The following MDH1 variants were observed in gnomAD, a reference collection of about 807,000 sequenced individuals.
The protein encoded by MDH1 is malate dehydrogenase, cytoplasmic.
MDH1 carries 15 observed loss-of-function variants against 38.7 expected under a neutral mutation model. The observed-to-expected ratio is 0.39, with a 90% confidence interval of 0.26 to 0.60. The LOEUF (loss-of-function observed/expected upper bound fraction) is 0.60. MDH1 is among the 20% of genes least tolerant of loss of function. MDH1 has a pLI of 0.56. For missense variants in MDH1, 368 were observed against 405.2 expected (o/e 0.91, Z 0.79); for synonymous variants, 144 against 143.6 (o/e 1.00, Z -0.02).
At chr2:63,600,797 G>A (rs1282156840) in intron 5 of MDH1, among the ~76,000 whole-genome samples, 1 of 152,154 alleles carries the variant, frequency 6.6e-6, no homozygotes, top group African/African-American at 2.4e-5. Context: ...TTGTTTGAAT[G>A]GCAGGCAGTT....
In MDH1 at chr2:63,599,170, G is replaced by A. The variant is rs377153025; in HGVS notation, c.376G>A (p.Val126Ile). The A allele has an allele frequency of 3.1e-6, 5 of 1,613,138 alleles. No homozygotes were observed. The highest frequency in any genetic ancestry group is 2.7e-5 in the African/African-American group (2 of 74,832). Residue 126 changes from valine (V) to isoleucine (I), a missense_variant and splice_region_variant, in exon 5 of 9, where the codon GTT (valine) becomes ATT (isoleucine). By Grantham distance (29) the Val-to-Ile change is conservative. Coordinates refer to ENST00000233114, the MANE Select transcript of MDH1 (RefSeq NM_005917.4). Reference sequence around the variant, plus strand: ...CTTCAGTGCCTTCCATTCCTCCTAGGTTATTGTTGTGGGTAATCCAGCCAA... The same window carrying A: ...CTTCAGTGCCTTCCATTCCTCCTAGATTATTGTTGTGGGTAATCCAGCCAA... ...LDKYAKKSVK[V>I]IVVGNPANTN... is the part of the protein sequence containing the mutation.
chr2:63,600,776 C>T (rs933445779), intron 5 of MDH1, among the ~76,000 whole-genome samples: 2 of 151,956 alleles, frequency 1.3e-5, no homozygotes, highest in Admixed American at 6.6e-5. Context: ...TAGCTGAGAA[C>T]GAATAGGAGT....
intron 5 of MDH1, among the ~76,000 whole-genome samples, chr2:63,602,209 A>C (rs906312004): frequency 6.6e-6 from 1 of 152,264 alleles, no homozygotes; most frequent in Admixed American, 6.5e-5. Flanking sequence ...CAACTAGTTT[A>C]AGAGTGGGAG....
At chr2:63,598,963 T>C (rs911320440) in intron 4 of MDH1, among the ~76,000 whole-genome samples, 1 of 151,564 alleles carries the variant, frequency 6.6e-6, no homozygotes, top group Non-Finnish European at 1.5e-5. Context: ...TTTCTATAAA[T>C]CTGATATTAT....
intron 5 of MDH1, 55 bp downstream of exon 5, chr2:63,599,347 C>T: frequency 6.4e-7 from 1 of 1,550,988 alleles, no homozygotes; most frequent in Non-Finnish European, 8.7e-7. Flanking sequence ...ACATTTTTCT[C>T]TCACTTTTAA....
chr2:63,589,098 T>C (rs755565589), intron 1 of MDH1, 52 bp downstream of exon 1: 4 of 1,614,082 alleles, frequency 2.5e-6, no homozygotes, highest in Non-Finnish European at 2.5e-6. Context: ...CGCCCTTGAG[T>C]GGGGTTTCTT....
intron 8 of MDH1, among the ~76,000 whole-genome samples, chr2:63,606,634 G>A (rs574753651): frequency 2.0e-5 from 3 of 151,642 alleles, no homozygotes; most frequent in African/African-American, 7.2e-5. Context: ...TATTATAACT[G>A]TGCTAAAGTC....
At chr2:63,606,769 C>T (rs1427831850) in intron 8 of MDH1, 93 bp from the exon 9 acceptor site, 6 of 838,038 alleles carry the variant, frequency 7.2e-6, no homozygotes, top group East Asian at 3.1e-5. Flanking sequence ...GACTTTAAAA[C>T]GATATACCTC....
Position 63,606,971 on chromosome 2 carries a change from T to C in MDH1, c.989T>C (p.Phe330Ser). ...GAAGAAAAAGAAAGTGCTTTTGAAT[T>C]TCTTTCCTCTGCCTGACTAGACAAT... ...LTEEKESAFE[F>S]LSSA The change falls in exon 9 of 9, where the codon TTT becomes TCT. Residue 330 changes from phenylalanine to serine, a missense_variant. Physicochemically the swap from Phe to Ser is radical, Grantham distance 155. Transcript: ENST00000233114. 1 of 1,612,058 alleles carries C rather than the reference T, an allele frequency of 6.2e-7. No individual in the cohort carries two copies. Among genetic ancestry groups the C allele is most frequent in the Non-Finnish European group, 8.5e-7 (1 of 1,179,160 alleles).
At chr2:63,602,332 G>A (rs9989753) in intron 5 of MDH1, among the ~76,000 whole-genome samples, 245 of 138,844 alleles carry the variant, frequency 1.8e-3, no homozygotes, top group Middle Eastern at 7.5e-3. Context: ...TATCCTTTTC[G>A]GTTGGTTGGT....
At chr2:63,589,831 G>A in intron 1 of MDH1, 1 of 211,660 alleles carries the variant, frequency 4.7e-6, no homozygotes, top group Non-Finnish European at 9.8e-6. Context: ...GGAATAATCT[G>A]CGTACTGCTT....
intron 4 of MDH1, among the ~76,000 whole-genome samples, 159 bp from the exon 5 acceptor site, chr2:63,599,011 A>G (rs762479842): frequency 2.0e-5 from 3 of 151,844 alleles, no homozygotes; most frequent in Non-Finnish European, 2.9e-5. Flanking sequence ...AAAGATTTTT[A>G]TAACTTAAAA....
chr2:63,606,137 T>C, intron 8 of MDH1, 109 bp downstream of exon 8: 1 of 1,054,830 alleles, frequency 9.5e-7, no homozygotes, highest in Non-Finnish European at 1.5e-6. Flanking sequence ...ATCCCAACAC[T>C]TTGGAAGGGC....
chr2:63,597,430 C>G lies in MDH1; in HGVS notation c.231C>G (p.Ala77=). The G allele has an allele frequency of 6.9e-7, 1 of 1,452,646 alleles. No individual in the cohort carries two copies. The allele number at this position is 1,452,646 out of a possible 1,614,324, so 90.0% of individuals were successfully genotyped here. The change falls in exon 4 of 9, where the codon GCC becomes GCG. Residue 77 remains alanine, a synonymous_variant. Coordinates refer to ENST00000233114, the MANE Select transcript of MDH1 (RefSeq NM_005917.4). ...TCGCAACAGATAAAGAAGACGTTGC[C>G]TTCAAAGACCTGGATGTGGCCATTC... ...DVIATDKEDV[A]FKDLDVAILV...
intron 5 of MDH1, among the ~76,000 whole-genome samples, chr2:63,604,423 G>A (rs1709488365): frequency 6.6e-6 from 1 of 152,154 alleles, no homozygotes; most frequent in South Asian, 2.1e-4. Context: ...TACACCTACT[G>A]TACTAATAAG....
intron 7 of MDH1, chr2:63,605,719 A>G (rs1709514521): frequency 2.7e-5 from 16 of 598,334 alleles, no homozygotes; most frequent in Middle Eastern, 4.5e-4. Context: ...AATGAGGATT[A>G]GGTTTCCCTG....
intron 5 of MDH1, among the ~76,000 whole-genome samples, chr2:63,600,839 A>C (rs920089407): frequency 1.3e-5 from 2 of 152,150 alleles, no homozygotes; most frequent in Non-Finnish European, 2.9e-5. Context: ...AAAGGAAGAG[A>C]TATTATACAT....
chr2:63,604,660 T>C, intron 5 of MDH1, 36 bp from the exon 6 acceptor site: 10 of 1,537,408 alleles, frequency 6.5e-6, no homozygotes, highest in Non-Finnish European at 8.9e-6. Context: ...TAAAAACCAT[T>C]TGTCTCAGTA....
At chr2:63,591,719 CTG>C (rs1709204981) in intron 1 of MDH1, among the ~76,000 whole-genome samples, 1 of 152,196 alleles carries the variant, frequency 6.6e-6, no homozygotes, top group Admixed American at 6.5e-5. Flanking sequence ...CAAAGACAGA[CTG>C]TTCTCAAGAG....
Sources: gnomAD v4.1 joint callset for allele counts (sites outside exome capture counted in the v4.1 genomes callset) on GRCh38, gnomAD v4.1.1 for gene constraint, MANE v1.5 for transcripts, NCBI Gene and HGNC (gene_info 2026-07-23, HGNC 2026-07-21) for gene names.